IGSF11: variants seen among roughly 807,000 people sequenced by gnomAD.
The protein encoded by IGSF11 is CXADR like 1.
IGSF11 carries 22 observed loss-of-function variants against 41.0 expected under a neutral mutation model. The observed-to-expected ratio is 0.54, with a 90% confidence interval of 0.38 to 0.77. The LOEUF is 0.77. IGSF11 is among the 30% of genes least tolerant of loss of function. The probability of loss-of-function intolerance (pLI) is 0.00; values close to 1 mark genes in which losing one functional copy is unlikely to be tolerated. For synonymous variants in IGSF11, 219 were observed against 201.3 expected, an observed-to-expected ratio of 1.09 and a Z score of -0.74; for missense variants, 444 against 530.8, an observed-to-expected ratio of 0.84 and a Z score of 1.61.
At chr3:119,001,412 T>G (rs912842320) in intron 1 of IGSF11, among the ~76,000 whole-genome samples, 2 of 151,470 alleles carry the variant, frequency 1.3e-5, no homozygotes, top group South Asian at 4.2e-4. Context: ...CAGTGGTAAC[T>G]CAAAAGATAT....
chr3:119,038,525 G>A (rs1430863899), upstream of IGSF11, among the ~76,000 whole-genome samples: 1 of 151,870 alleles, frequency 6.6e-6, no homozygotes, highest in Non-Finnish European at 1.5e-5. Context: ...TTTATTTTTG[G>A]GTAAAGTTAC....
At chr3:119,008,270 C>G (rs577668429) in intron 1 of IGSF11, among the ~76,000 whole-genome samples, 4 of 152,142 alleles carry the variant, frequency 2.6e-5, no homozygotes, top group African/African-American at 9.7e-5. Flanking sequence ...CGGGAATATA[C>G]CAAGAGATCA....
At chr3:119,088,786 C>G (rs1163189196) in intron 1 of IGSF11, among the ~76,000 whole-genome samples, 1 of 152,032 alleles carries the variant, frequency 6.6e-6, no homozygotes, top group Non-Finnish European at 1.5e-5. Flanking sequence ...CACAGAAATA[C>G]AAAAGATCCT....
chr3:119,029,805 T>G lies in IGSF11; in HGVS notation c.52+4726A>C, dbSNP rs548879069. Among the ~76,000 whole-genome samples the G allele has an allele frequency of 5.9e-5, 9 of 152,360 alleles. No individual in the cohort carries two copies. In the East Asian group the frequency reaches 1.7e-3, roughly 29 times the overall value. The stretch of plus-strand genomic sequence containing the variant: ...TAAATTTCTAAAAATATTGAACTGA[T>G]GATTCTTTTAAGACCAGCCTACAAG... On this transcript the variant is annotated intron_variant, in intron 1 of 6. Coordinates refer to ENST00000393775, the MANE Select transcript of IGSF11 (RefSeq NM_001015887.3).
chr3:118,902,668 T>C lies in IGSF11; in HGVS notation c.1148A>G (p.Gln383Arg), dbSNP rs1198839700. Reference protein sequence around the residue: ...VVTANRGSSPQVMSRSNGSVS... With the variant: ...VVTANRGSSPRVMSRSNGSVS... ...TGAGCCATTGCTCCTGGACATCACC[T>C]GTGGTGATGACCCTCTGTTGGCTGT... Residue 383 changes from glutamine to arginine, a missense_variant, in exon 7 of 7, where the codon CAG becomes CGG. Gln to Arg is a conservative substitution (Grantham distance 43). Transcript: ENST00000393775. 3.1e-6 allele frequency: 5 copies of C among 1,614,072 alleles called. No homozygotes were observed. The South Asian group carries it at 3.3e-5, about 11-fold the overall frequency.
rs147754393 is a variant in IGSF11 at position 118,955,645 on chromosome 3, G to A, written c.53-25370C>T. Among the ~76,000 whole-genome samples the A allele has an allele frequency of 5.1e-4, 78 of 152,048 alleles. 1 individual carries two copies. Among genetic ancestry groups the A allele is most frequent in the African/African-American group, 1.8e-3 (74 of 41,468 alleles). ...TTTTTTTTTCCAAGCAGTAGGTCTC[G>A]ACAGGTGGCTTAAAATTTTCAGTAA... On this transcript the variant is annotated intron_variant, in intron 1 of 6. Coordinates refer to ENST00000393775, the MANE Select transcript of IGSF11 (RefSeq NM_001015887.3).
At chr3:118,977,738 C>G (rs775216241) in intron 1 of IGSF11, among the ~76,000 whole-genome samples, 1 of 152,108 alleles carries the variant, frequency 6.6e-6, no homozygotes, top group Non-Finnish European at 1.5e-5. Flanking sequence ...CCCTCAGAGG[C>G]CTTGAAAGTA....
In IGSF11 at chr3:118,905,713, C is replaced by A; in HGVS notation, c.586G>T (p.Val196Phe). Residue 196 changes from valine (V) to phenylalanine (F), a missense_variant, in exon 5 of 7, where the codon GTC becomes TTC. Val to Phe is a conservative substitution (Grantham distance 50, BLOSUM62 -1). Transcript: ENST00000393775. The part of the protein sequence containing the change: ...KLPPTATQDQ[V>F]QGTVTIRNIS... ...TTCCGGATGGTGACTGTTCCCTGGA[C>A]CTGGTCTGTCACAAAAATAATAACC... The A allele has an allele frequency of 6.2e-7, 1 of 1,613,618 alleles. No homozygotes were observed. The highest frequency in any genetic ancestry group is 8.5e-7 in the Non-Finnish European group (1 of 1,179,682).
At chr3:118,910,771 T>C (rs1328532443) in intron 4 of IGSF11, among the ~76,000 whole-genome samples, 3 of 152,198 alleles carry the variant, frequency 2.0e-5, no homozygotes, top group African/African-American at 7.2e-5. Context: ...GTCAAACTTT[T>C]ACACTTGCAA....
At chr3:119,090,582 A>G (rs1156354413) in intron 1 of IGSF11, among the ~76,000 whole-genome samples, 4 of 152,174 alleles carry the variant, frequency 2.6e-5, no homozygotes, top group Non-Finnish European at 5.9e-5. Flanking sequence ...ATAAAGCCAC[A>G]CACCTCCAAC....
At chr3:118,951,801 A>T (rs556206226) in intron 1 of IGSF11, among the ~76,000 whole-genome samples, 1 of 152,246 alleles carries the variant, frequency 6.6e-6, no homozygotes, top group Non-Finnish European at 1.5e-5. Flanking sequence ...TACATACAAT[A>T]CCTAACACAA....
At chr3:119,034,123 A>T (rs1421316916) in intron 1 of IGSF11, among the ~76,000 whole-genome samples, 1 of 152,262 alleles carries the variant, frequency 6.6e-6, no homozygotes, top group East Asian at 1.9e-4. Flanking sequence ...AAGTTTTCCA[A>T]ATGATTTTAA....
At position 118,902,861 on chromosome 3, in the gene IGSF11, T is replaced by A. The variant is rs768267189; in HGVS notation, c.955A>T (p.Ser319Cys). The change falls in exon 7 of 7, where the codon AGT becomes TGT. Residue 319 changes from serine to cysteine, a missense_variant. Physicochemically the swap from Ser to Cys is moderately radical, Grantham distance 112 (BLOSUM62 -1). This residue lies in a region of IGSF11 where 223 missense variants were observed against 226.2 expected (regional missense o/e 0.99). Transcript: ENST00000393775. ...NTLTSSNAYN[S>C]RYWSNNPKVH... ...TTTGGATTGTTGCTCCAGTATCGACTGTTGTAGGCATTGGAAGAGGTTAGT... is the reference window on the plus strand; with the variant it reads ...TTTGGATTGTTGCTCCAGTATCGACAGTTGTAGGCATTGGAAGAGGTTAGT... 6.2e-7 allele frequency: 1 copy of A among 1,614,204 alleles called. No homozygotes were observed. Among genetic ancestry groups the A allele is most frequent in the South Asian group, 1.1e-5 (1 of 91,092 alleles).
At chr3:119,002,324 T>C (rs1471239771) in intron 1 of IGSF11, among the ~76,000 whole-genome samples, 47 of 150,022 alleles carry the variant, frequency 3.1e-4, no homozygotes, top group African/African-American at 1.2e-3. Context: ...GGGTTGTTTG[T>C]TTTTTTCTTG....
intron 1 of IGSF11, among the ~76,000 whole-genome samples, chr3:119,012,033 G>A (rs1432704323): frequency 1.3e-5 from 2 of 152,046 alleles, no homozygotes; most frequent in South Asian, 2.1e-4. Context: ...CACACACAGA[G>A]AGAGAGAGAG....
intron 4 of IGSF11, among the ~76,000 whole-genome samples, chr3:118,917,016 A>G (rs567036290): frequency 1.8e-4 from 27 of 152,366 alleles, no homozygotes; most frequent in African/African-American, 6.3e-4. Flanking sequence ...TACTGGGTAC[A>G]TAAGGAAATG....
chr3:118,974,204 C>T lies in IGSF11; in HGVS notation c.53-43929G>A, dbSNP rs192976049. ...TGGTCTCTCTTCAGGTGACCTTGAA[C>T]GTCAAGATAGAAGCATGGTATTGTA... On this transcript the variant is annotated intron_variant, in intron 1 of 6. Transcript: ENST00000393775. 3.0e-4 allele frequency among the ~76,000 whole-genome samples: 45 copies of T among 151,884 alleles called. No homozygotes were observed. The East Asian group carries it at 7.9e-3, about 27-fold the overall frequency.
intron 1 of IGSF11, among the ~76,000 whole-genome samples, chr3:119,123,090 C>G (rs146668131): frequency 1.1e-3 from 160 of 152,232 alleles, no homozygotes; most frequent in African/African-American, 3.8e-3. Flanking sequence ...CATTTCTAAA[C>G]CCATGCTGGG....
intron 1 of IGSF11, among the ~76,000 whole-genome samples, chr3:119,101,628 T>C (rs1057102266): frequency 1.3e-5 from 2 of 152,256 alleles, no homozygotes; most frequent in Admixed American, 1.3e-4. Flanking sequence ...GGATATACCA[T>C]AATTTATTTC....
Sources: gnomAD v4.1 joint callset for allele counts (sites outside exome capture counted in the v4.1 genomes callset) on GRCh38, gnomAD v4.1.1 for gene constraint, gnomAD v4.1.1 regional missense constraint, MANE v1.5 for transcripts, NCBI Gene and HGNC (gene_info 2026-07-23, HGNC 2026-07-21) for gene names.